The following ZPBP variants were observed in gnomAD, a reference collection of about 807,000 sequenced individuals.
ZPBP encodes zona pellucida-binding protein 1.
A neutral mutation model predicts 44.8 loss-of-function variants in ZPBP; 26 were observed. The ratio of observed to expected loss-of-function variants is 0.58; its 90% confidence interval spans 0.43 to 0.81. ZPBP has a LOEUF of 0.81. ZPBP is among the 30% of genes least tolerant of loss of function. ZPBP has a pLI of 0.00. For missense variants in ZPBP, 409 were observed against 434.0 expected, an observed-to-expected ratio of 0.94 and a Z score of 0.51; for synonymous variants, 174 against 153.2, an observed-to-expected ratio of 1.14 and a Z score of -1.00.
At chr7:49,983,844 G>A (rs1345662662) in intron 6 of ZPBP, among the ~76,000 whole-genome samples, 1 of 151,868 alleles carries the variant, frequency 6.6e-6, no homozygotes, top group Non-Finnish European at 1.5e-5. Flanking sequence ...GAAATGTAAT[G>A]TACTTTAAAA....
the ZPBP span, among the ~76,000 whole-genome samples, chr7:49,845,394 A>G: frequency 2.0e-5 from 3 of 152,240 alleles, no homozygotes; most frequent in African/African-American, 7.2e-5. Flanking sequence ...TTTCACACAC[A>G]ATCTATAATT....
At chr7:49,881,760 A>G (rs1791672565) in intron 2 of ZPBP, among the ~76,000 whole-genome samples, 1 of 152,144 alleles carries the variant, frequency 6.6e-6, no homozygotes, top group South Asian at 2.1e-4. Context: ...TCTTTAATTC[A>G]TCTCTTTTAA....
At chr7:49,975,956 A>T (rs1035093931) in intron 7 of ZPBP, among the ~76,000 whole-genome samples, 1 of 152,114 alleles carries the variant, frequency 6.6e-6, no homozygotes, top group Non-Finnish European at 1.5e-5. Context: ...TTTTGGGGTA[A>T]CATTTTTTCT....
At position 49,857,962 on chromosome 7, in the gene ZPBP, C is replaced by T. The variant is rs1331608566; in HGVS notation, n.510-7448G>A. Among the ~76,000 whole-genome samples, 3 of 152,248 alleles carry T rather than the reference C, an allele frequency of 2.0e-5. No individual in the cohort carries two copies. The East Asian group carries it at 5.8e-4, about 29-fold the overall frequency. ...TCAGAGATGAGACCACACAGGCTTT[C>T]CCAGAACATCAGATTTCTTTTTCTT... is the stretch of plus-strand genomic sequence containing the variant. On this transcript the variant is annotated intron_variant and non_coding_transcript_variant, in intron 2 of 2. Coordinates refer to the ZPBP transcript ENST00000465922.
chr7:50,028,019 A>G (rs370928715), intron 5 of ZPBP, among the ~76,000 whole-genome samples: 1 of 152,056 alleles, frequency 6.6e-6, no homozygotes, highest in Non-Finnish European at 1.5e-5. Context: ...ACTTTCTTCC[A>G]AAAGAATAGA....
At chr7:49,991,052 T>C (rs532295071) in intron 6 of ZPBP, among the ~76,000 whole-genome samples, 17 of 152,280 alleles carry the variant, frequency 1.1e-4, no homozygotes, top group African/African-American at 3.8e-4. Context: ...GTTCTTTGAA[T>C]ATCTCTGATT....
Position 50,080,505 on chromosome 7 carries a change from G to A in ZPBP, c.334+1269C>T, listed in dbSNP as rs943699638. Among the ~76,000 whole-genome samples, 28 of 151,634 alleles carry A rather than the reference G, an allele frequency of 1.8e-4. No individual in the cohort carries two copies. The East Asian group carries it at 3.5e-3, about 19-fold the overall frequency. ...TGCAATATAAACTGCAAGACCTGGCGTTGCACCTCGGAGAAGAAAAAATTT... is the reference window on the plus strand; with the variant it reads ...TGCAATATAAACTGCAAGACCTGGCATTGCACCTCGGAGAAGAAAAAATTT... On this transcript the variant is annotated intron_variant, in intron 3 of 7. Transcript: ENST00000046087.
chr7:50,087,803 A>AC lies in ZPBP; in HGVS notation c.208+1825dup, dbSNP rs931009608. Among the ~76,000 whole-genome samples, 12 of 151,878 alleles carry AC rather than the reference A, an allele frequency of 7.9e-5. No individual in the cohort carries two copies. The East Asian group carries it at 1.4e-3, about 17-fold the overall frequency. ...CTAAATAAATTGAAATAATGGAAAG[A>AC]CCCCCCAAGTTCATAGATTGAAAGA... On this transcript the variant is annotated intron_variant, in intron 2 of 7. Coordinates refer to ENST00000046087, the MANE Select transcript of ZPBP (RefSeq NM_007009.3).
At chr7:49,937,741 G>T in intron 7 of ZPBP, 119 bp from the exon 8 acceptor site, 2 of 788,680 alleles carry the variant, frequency 2.5e-6, no homozygotes, top group Non-Finnish European at 4.1e-6. Context: ...ACACTGTTGT[G>T]CAACAAATCT....
At chr7:50,029,425 G>C (rs1799491206) in intron 5 of ZPBP, among the ~76,000 whole-genome samples, 1 of 152,120 alleles carries the variant, frequency 6.6e-6, no homozygotes. Context: ...CATATTCTTA[G>C]AAATGCCACT....
At chr7:50,047,628 C>T (rs757110459) in intron 4 of ZPBP, among the ~76,000 whole-genome samples, 1 of 148,476 alleles carries the variant, frequency 6.7e-6, no homozygotes, top group Non-Finnish European at 1.5e-5. Context: ...CTGAGTATAG[C>T]ACTCTGCTCA....
intron 4 of ZPBP, among the ~76,000 whole-genome samples, chr7:50,037,674 T>C (rs1421137610): frequency 2.0e-5 from 3 of 152,104 alleles, no homozygotes; most frequent in African/African-American, 7.2e-5. Context: ...TCCCCCAAAA[T>C]TGGGGAGTAC....
intron 6 of ZPBP, among the ~76,000 whole-genome samples, chr7:49,984,347 A>G (rs1797154008): frequency 6.6e-6 from 1 of 152,216 alleles, no homozygotes; most frequent in Non-Finnish European, 1.5e-5. Flanking sequence ...AAAGGGTGAT[A>G]AAATAATAAC....
chr7:49,946,521 C>G (rs1795111034), intron 7 of ZPBP, among the ~76,000 whole-genome samples: 1 of 151,902 alleles, frequency 6.6e-6, no homozygotes, highest in African/African-American at 2.4e-5. Flanking sequence ...ATATGTCATA[C>G]CACTCTCTCC....
intron 2 of ZPBP, among the ~76,000 whole-genome samples, chr7:50,082,829 T>C (rs1345274437): frequency 6.6e-6 from 1 of 151,868 alleles, no homozygotes; most frequent in East Asian, 1.9e-4. Flanking sequence ...ATTGAGGTGA[T>C]TTTTTTCTTT....
At chr7:50,001,364 C>T (rs1310562537) in intron 6 of ZPBP, among the ~76,000 whole-genome samples, 6 of 152,050 alleles carry the variant, frequency 3.9e-5, no homozygotes, top group Non-Finnish European at 7.4e-5. Flanking sequence ...TGCTTGGAGA[C>T]AAAAACTTTA....
chr7:50,093,028 G>A (rs1438682227), intron 1 of ZPBP, 40 bp downstream of exon 1: 1 of 1,579,284 alleles, frequency 6.3e-7, no homozygotes, highest in Admixed American at 1.8e-5. Flanking sequence ...GGAAGCTGCG[G>A]TTGTCCCTGC....
At chr7:50,046,013 C>CT (rs1178910464) in intron 4 of ZPBP, among the ~76,000 whole-genome samples, 2 of 152,192 alleles carry the variant, frequency 1.3e-5, no homozygotes, top group African/African-American at 4.8e-5. Flanking sequence ...ACCATCTGAT[C>CT]TTTGACAAAA....
At chr7:49,943,168 G>T in intron 7 of ZPBP, 1 of 310,356 alleles carries the variant, frequency 3.2e-6, no homozygotes, top group South Asian at 3.2e-5. Context: ...CAGAAAGTTA[G>T]CTTCTCAATA....
Sources: gnomAD v4.1 joint callset for allele counts (sites outside exome capture counted in the v4.1 genomes callset) on GRCh38, gnomAD v4.1.1 for gene constraint, MANE v1.5 for transcripts, NCBI Gene and HGNC (gene_info 2026-07-23, HGNC 2026-07-21) for gene names.